Variants in FARP1 observed in about 807,000 individuals in gnomAD.
The protein encoded by FARP1 is FERM, ARH/RhoGEF and pleckstrin domain protein 1.
A neutral mutation model predicts 128.8 loss-of-function variants in FARP1; 52 were observed. That is an observed-to-expected ratio of 0.40 (90% confidence interval 0.32 to 0.51). FARP1 has a LOEUF of 0.51. Ranked by LOEUF, FARP1 falls within the 20% of genes least tolerant of loss-of-function variation. FARP1 has a pLI of 0.45. For synonymous variants in FARP1, 580 were observed against 551.8 expected (o/e 1.05, Z -0.72); for missense variants, 1,333 against 1,367.9 (o/e 0.97, Z 0.40).
intron 2 of FARP1, among the ~76,000 whole-genome samples, chr13:98,223,275 C>T (rs1881539180): frequency 2.6e-5 from 4 of 152,186 alleles, no homozygotes; most frequent in Non-Finnish European, 5.9e-5. Context: ...TGTCTTCCTT[C>T]AGTTGACATG....
At chr13:98,414,639 C>G (rs140842113) in intron 16 of FARP1, among the ~76,000 whole-genome samples, 28 of 152,264 alleles carry the variant, frequency 1.8e-4, no homozygotes, top group African/African-American at 5.3e-4. Flanking sequence ...CCAATGCATT[C>G]GTAGGTTCTA....
At chr13:98,385,849 G>A (rs1566941641) in intron 8 of FARP1, 35 bp downstream of exon 8, 2 of 1,607,736 alleles carry the variant, frequency 1.2e-6, no homozygotes, top group Non-Finnish European at 1.7e-6. Flanking sequence ...GGTTCCCTTG[G>A]TGACAGAGAG....
chr13:98,167,938 C>T (rs1424581953), intron 1 of FARP1, among the ~76,000 whole-genome samples: 4 of 150,478 alleles, frequency 2.7e-5, no homozygotes, highest in Admixed American at 6.6e-5. Flanking sequence ...TTTGGGAGGC[C>T]GAGGTGGGTG....
intron 2 of FARP1, among the ~76,000 whole-genome samples, chr13:98,271,532 G>C (rs967732862): frequency 1.3e-5 from 2 of 152,118 alleles, no homozygotes; most frequent in African/African-American, 4.8e-5. Flanking sequence ...ACATGCATTA[G>C]GTATTTGTCC....
chr13:98,295,912 A>G (rs923672030), intron 2 of FARP1, among the ~76,000 whole-genome samples: 4 of 152,214 alleles, frequency 2.6e-5, no homozygotes, highest in East Asian at 1.9e-4. Flanking sequence ...TTAAAGAGCC[A>G]TAATCACTGC....
chr13:98,167,712 A>T (rs1877371548), intron 1 of FARP1, among the ~76,000 whole-genome samples: 1 of 152,112 alleles, frequency 6.6e-6, no homozygotes, highest in Admixed American at 6.5e-5. Flanking sequence ...GCCTGGCCGC[A>T]AACAGTTTTA....
intron 1 of FARP1, among the ~76,000 whole-genome samples, chr13:98,206,022 C>T (rs1337926529): frequency 2.0e-5 from 3 of 152,054 alleles, no homozygotes; most frequent in Non-Finnish European, 4.4e-5. Context: ...GGATGTTCAT[C>T]TGTCATTTTT....
chr13:98,431,437 G>A, intron 18 of FARP1, 157 bp downstream of exon 18: 3 of 551,464 alleles, frequency 5.4e-6, no homozygotes, highest in Non-Finnish European at 9.6e-6. Context: ...TTTTATTCCT[G>A]CTCTGGTGTT....
chr13:98,191,091 C>T (rs1879201109), intron 1 of FARP1, among the ~76,000 whole-genome samples: 2 of 152,190 alleles, frequency 1.3e-5, no homozygotes, highest in African/African-American at 4.8e-5. Context: ...CGGCCCGACA[C>T]TGCTGGAGGC....
rs1893335201 is a variant in FARP1 at position 98,454,093 on chromosome 13, T to C, written c.*5776T>C. Reference sequence around the variant, plus strand: ...AGTATATTTACATGAACAACTTCTGTATCCTAAATTAAGTACTATAGAAAT... The same window carrying C: ...AGTATATTTACATGAACAACTTCTGCATCCTAAATTAAGTACTATAGAAAT... On this transcript the variant is annotated 3_prime_UTR_variant, in exon 27 of 27. Transcript: ENST00000319562. 1 of 152,222 alleles carries C rather than the reference T, an allele frequency of 6.6e-6. No homozygotes were observed. Among genetic ancestry groups the C allele is most frequent in the African/African-American group, 2.4e-5 (1 of 41,442 alleles). 9.4% of individuals were successfully genotyped at this position (152,222 alleles called of 1,614,324 possible).
intron 2 of FARP1, among the ~76,000 whole-genome samples, chr13:98,297,030 A>G (rs1456925397): frequency 6.6e-6 from 1 of 152,232 alleles, no homozygotes; most frequent in African/African-American, 2.4e-5. Flanking sequence ...ATAACAGCAA[A>G]TGAATATTCA....
intron 23 of FARP1, 123 bp from the exon 24 acceptor site, chr13:98,440,547 T>A: frequency 4.1e-6 from 4 of 980,416 alleles, no homozygotes; most frequent in Middle Eastern, 2.5e-4. Flanking sequence ...CTCATTAGAT[T>A]CTGGTTGGGC....
chr13:98,243,327 A>G (rs1208809229), intron 2 of FARP1, among the ~76,000 whole-genome samples: 3 of 152,150 alleles, frequency 2.0e-5, no homozygotes, highest in African/African-American at 7.2e-5. Flanking sequence ...GCCAGTCTCA[A>G]TGCATGTAGC....
At position 98,295,046 on chromosome 13, in the gene FARP1, T is replaced by TAC. The variant is rs746373395; in HGVS notation, c.172-48658_172-48657dup. 7.9e-3 allele frequency among the ~76,000 whole-genome samples: 853 copies of TAC among 108,372 alleles called. 7 individuals carry two copies. Among genetic ancestry groups the TAC allele is most frequent in the Non-Finnish European group, 0.01 (578 of 55,374 alleles). The allele number at this position is 108,372 out of a possible 152,430, so 71.1% of individuals were successfully genotyped here. A position where few individuals can be genotyped will look rare whatever the true frequency, so the allele number is the denominator to read the frequency against. ...AAAAAAAAATTATATATATATATATTACACACACACACACACACACACACA... is the reference window on the plus strand; with the variant it reads ...AAAAAAAAATTATATATATATATATTACACACACACACACACACACACACACA... On this transcript the variant is annotated intron_variant, in intron 2 of 26. Coordinates refer to ENST00000319562, the MANE Select transcript of FARP1 (RefSeq NM_005766.4).
intron 16 of FARP1, among the ~76,000 whole-genome samples, chr13:98,414,793 C>T (rs1001276310): frequency 3.3e-5 from 5 of 152,320 alleles, no homozygotes; most frequent in South Asian, 2.1e-4. Context: ...ACACCACACT[C>T]GGCTTTCACG....
rs1319873447 is a variant in FARP1, at chr13:98,176,660, G to A, written c.-24+33168G>A. 4 of 1,614,218 alleles carry A rather than the reference G, an allele frequency of 2.5e-6. No individual in the cohort carries two copies. The Admixed American group carries it at 6.7e-5, about 27-fold the overall frequency. ...TCCTTGTAGTCCTTGCAGATGTCAGGCTGGTAATCCCAGCGCACAGTGGCG... is the reference window on the plus strand; with the variant it reads ...TCCTTGTAGTCCTTGCAGATGTCAGACTGGTAATCCCAGCGCACAGTGGCG... On this transcript the variant is annotated intron_variant, in intron 1 of 26. Coordinates refer to ENST00000319562, the MANE Select transcript of FARP1 (RefSeq NM_005766.4). The surrounding 1 kb of genome is among the most constrained non-coding windows in gnomAD (Gnocchi z 6.2).
At chr13:98,232,554 C>T (rs1307909042) in intron 2 of FARP1, among the ~76,000 whole-genome samples, 1 of 152,176 alleles carries the variant, frequency 6.6e-6, no homozygotes, top group African/African-American at 2.4e-5. Context: ...ACAGCATGTG[C>T]TTATTTCATG....
intron 2 of FARP1, among the ~76,000 whole-genome samples, chr13:98,289,185 C>T (rs1183829656): frequency 6.6e-6 from 1 of 152,124 alleles, no homozygotes; most frequent in East Asian, 1.9e-4. Context: ...TTGGGAACCA[C>T]GTGCCAGGCC....
At chr13:98,166,481 G>A (rs1566687086) in intron 1 of FARP1, among the ~76,000 whole-genome samples, 1 of 152,168 alleles carries the variant, frequency 6.6e-6, no homozygotes, top group Non-Finnish European at 1.5e-5. Context: ...AAAGCTACCT[G>A]TAGGGGAGAG....
Sources: gnomAD v4.1 joint callset for allele counts (sites outside exome capture counted in the v4.1 genomes callset) on GRCh38, gnomAD v4.1.1 for gene constraint, Gnocchi (gnomAD v3.1) non-coding constraint, MANE v1.5 for transcripts, NCBI Gene and HGNC (gene_info 2026-07-23, HGNC 2026-07-21) for gene names.